The following ALK variants were observed in gnomAD, a reference collection of about 807,000 sequenced individuals.
The protein encoded by ALK is ALK tyrosine kinase receptor.
ALK carries 74 observed loss-of-function variants against 163.1 expected under a neutral mutation model. That is an observed-to-expected ratio of 0.45 (90% confidence interval 0.38 to 0.55). ALK has a LOEUF of 0.55. Among genes scored for constraint, ALK ranks in the 20% least tolerant of loss-of-function variants. ALK has a pLI of 0.00. For missense variants in ALK, 2,063 were observed against 2,105.3 expected, an observed-to-expected ratio of 0.98 and a Z score of 0.39; for synonymous variants, 960 against 843.2, an observed-to-expected ratio of 1.14 and a Z score of -2.40.
intron 6 of ALK, among the ~76,000 whole-genome samples, chr2:29,323,799 C>A (rs1408595240): frequency 2.6e-5 from 4 of 152,224 alleles, no homozygotes; most frequent in Non-Finnish European, 4.4e-5. Context: ...GGTATCAACT[C>A]ATCCTCTGAT....
At chr2:29,278,082 G>A (rs925092759) in intron 9 of ALK, among the ~76,000 whole-genome samples, 1 of 152,194 alleles carries the variant, frequency 6.6e-6, no homozygotes, top group Non-Finnish European at 1.5e-5. Flanking sequence ...ACCAGGGTGG[G>A]GAGAGCAGGA....
intron 3 of ALK, among the ~76,000 whole-genome samples, chr2:29,607,224 G>A (rs61095887): frequency 0.032 from 4,944 of 152,266 alleles, 233 homozygotes; most frequent in African/African-American, 0.11. Context: ...TAGGAGAGGC[G>A]AGTAGTGCTT....
rs373535209 is a variant in ALK, at chr2:29,681,497, T to C, written c.952+13353A>G. Among the ~76,000 whole-genome samples, 6 of 152,316 alleles carry C rather than the reference T, an allele frequency of 3.9e-5. No individual in the cohort carries two copies. In the South Asian group the frequency reaches 6.2e-4, roughly 16 times the overall value. On this transcript the variant is annotated intron_variant, in intron 3 of 28. Transcript: ENST00000389048. ...TGTTTCTTTTCTTGCTTTGCGTATG[T>C]CAGGTCTTAAAAATCTGGAGGAGGA... is the stretch of plus-strand genomic sequence containing the variant.
chr2:29,546,063 G>C (rs1030326721), intron 3 of ALK, among the ~76,000 whole-genome samples: 3 of 152,178 alleles, frequency 2.0e-5, no homozygotes, highest in African/African-American at 7.2e-5. Context: ...TACATCAATA[G>C]ATGGATACAC....
At position 29,920,814 on chromosome 2, in the gene ALK, C is replaced by T; in HGVS notation, c.-155G>A. 1.5e-6 allele frequency: 1 copy of T among 678,828 alleles called. No homozygotes were observed. Among genetic ancestry groups the T allele is most frequent in the Non-Finnish European group, 2.5e-6 (1 of 406,080 alleles). 42.1% of individuals were successfully genotyped at this position (678,828 alleles called of 1,614,324 possible). ...TGCGTGCGCGCAAGTCTCTTGCTTT[C>T]CCCCAACTGCACGGAGGCGAGCAGG... On this transcript the variant is annotated 5_prime_UTR_variant, in exon 1 of 29. Coordinates refer to ENST00000389048, the MANE Select transcript of ALK (RefSeq NM_004304.5).
At chr2:29,377,348 G>A (rs112088162) in intron 5 of ALK, among the ~76,000 whole-genome samples, 9,891 of 151,982 alleles carry the variant, frequency 0.065, 369 homozygotes, top group Middle Eastern at 0.092. Flanking sequence ...GGTGGCTTGC[G>A]CCTGTAATCC....
intron 5 of ALK, among the ~76,000 whole-genome samples, chr2:29,347,498 T>C (rs536513194): frequency 1.3e-5 from 2 of 152,344 alleles, no homozygotes; most frequent in African/African-American, 4.8e-5. Context: ...GGGAGCAGTC[T>C]GCCGTTGAGA....
At chr2:29,684,792 T>C (rs1678188228) in intron 3 of ALK, among the ~76,000 whole-genome samples, 1 of 152,224 alleles carries the variant, frequency 6.6e-6, no homozygotes, top group Admixed American at 6.5e-5. Flanking sequence ...TAAGAAGAGC[T>C]TGTCATAATG....
chr2:29,850,784 T>C (rs4666283), intron 1 of ALK, among the ~76,000 whole-genome samples: 45,712 of 152,140 alleles, frequency 0.3, 7,353 homozygotes, highest in East Asian at 0.54. Context: ...AGAGAAATCC[T>C]TTGCTCATCT....
intron 3 of ALK, among the ~76,000 whole-genome samples, chr2:29,652,238 T>C (rs1346739789): frequency 6.6e-6 from 1 of 152,118 alleles, no homozygotes. Flanking sequence ...TTCCTTATCA[T>C]AACTCCCCAG....
intron 1 of ALK, among the ~76,000 whole-genome samples, chr2:29,771,891 T>C (rs1045351415): frequency 3.3e-5 from 5 of 152,110 alleles, no homozygotes; most frequent in African/African-American, 1.2e-4. Flanking sequence ...AAATAATGGA[T>C]TTGTCAGATA....
chr2:29,857,097 G>A (rs1396547517), intron 1 of ALK, among the ~76,000 whole-genome samples: 3 of 152,164 alleles, frequency 2.0e-5, no homozygotes, highest in East Asian at 1.9e-4. Context: ...AACTGGGCTC[G>A]AATTTATGCA....
At chr2:29,452,144 A>T (rs1328186777) in intron 4 of ALK, among the ~76,000 whole-genome samples, 1 of 152,148 alleles carries the variant, frequency 6.6e-6, no homozygotes, top group East Asian at 1.9e-4. Context: ...TACAGACGTC[A>T]CTTGATTTGG....
intron 5 of ALK, among the ~76,000 whole-genome samples, chr2:29,373,862 T>C (rs1239908357): frequency 6.6e-6 from 1 of 152,214 alleles, no homozygotes; most frequent in Admixed American, 6.5e-5. Context: ...TAAGCAGGAT[T>C]ACTCCTTTGT....
chr2:29,194,620 C>T (rs1668976891), intron 28 of ALK, among the ~76,000 whole-genome samples: 1 of 152,196 alleles, frequency 6.6e-6, no homozygotes, highest in East Asian at 1.9e-4. Context: ...GTGCCTCAGC[C>T]TCCTGAGTAG....
At chr2:29,916,385 T>C (rs993910389) in intron 1 of ALK, among the ~76,000 whole-genome samples, 2 of 152,218 alleles carry the variant, frequency 1.3e-5, no homozygotes, top group Non-Finnish European at 2.9e-5. Context: ...AGCCCAGCCA[T>C]ATATATTTAA....
At chr2:29,670,592 T>C (rs1677653403) in intron 3 of ALK, among the ~76,000 whole-genome samples, 1 of 152,056 alleles carries the variant, frequency 6.6e-6, no homozygotes, top group Non-Finnish European at 1.5e-5. Context: ...CGAATAAACT[T>C]TATGCCCCTT....
chr2:29,690,546 C>T (rs1573558493), intron 3 of ALK, among the ~76,000 whole-genome samples: 1 of 152,128 alleles, frequency 6.6e-6, no homozygotes, highest in South Asian at 2.1e-4. Flanking sequence ...TCCAAAACAC[C>T]GGAAGCAGTT....
At chr2:29,471,864 C>A (rs1282889317) in intron 4 of ALK, among the ~76,000 whole-genome samples, 2 of 151,990 alleles carry the variant, frequency 1.3e-5, no homozygotes, top group African/African-American at 4.8e-5. Flanking sequence ...GCCTTAGCTT[C>A]CTGAGTAGCT....
Sources: allele counts gnomAD v4.1 joint callset (sites outside exome capture counted in the v4.1 genomes callset), GRCh38; gene constraint gnomAD v4.1.1; transcripts MANE v1.5; gene names NCBI Gene and HGNC (gene_info 2026-07-23, HGNC 2026-07-21).